The following SPEF2 variants were observed in gnomAD, a reference collection of about 807,000 sequenced individuals.
SPEF2 encodes sperm flagella and cilia-associated protein 2.
Under a neutral mutation model 224.6 loss-of-function variants are expected in SPEF2, and 187 were observed. The observed-to-expected ratio is 0.83, with a 90% confidence interval of 0.74 to 0.94. The LOEUF (loss-of-function observed/expected upper bound fraction) is 0.94, where lower values mean the gene tolerates loss of function less well. SPEF2 is among the 40% of genes least tolerant of loss of function. SPEF2 has a pLI of 0.00. For synonymous variants in SPEF2, 715 were observed against 707.3 expected, an observed-to-expected ratio of 1.01 and a Z score of -0.17; for missense variants, 2,170 against 2,135.6, an observed-to-expected ratio of 1.02 and a Z score of -0.32.
rs149469127 is a variant in SPEF2, at chr5:35,778,236, G to A, written c.4218-881G>A. 1.9e-4 allele frequency among the ~76,000 whole-genome samples: 29 copies of A among 152,184 alleles called. No individual in the cohort carries two copies. In the East Asian group the frequency reaches 5.4e-3, roughly 28 times the overall value. ...AACAAGATCCTTTCTTCAATACAGCGATAATGCACTTATTCATGTATAAAA... is the reference window on the plus strand; with the variant it reads ...AACAAGATCCTTTCTTCAATACAGCAATAATGCACTTATTCATGTATAAAA... On this transcript the variant is annotated intron_variant, in intron 29 of 36. Coordinates refer to ENST00000356031, the MANE Select transcript of SPEF2 (RefSeq NM_024867.4).
At chr5:35,758,709 C>A (rs1750789842) in intron 24 of SPEF2, among the ~76,000 whole-genome samples, 1 of 152,100 alleles carries the variant, frequency 6.6e-6, no homozygotes, top group Non-Finnish European at 1.5e-5. Flanking sequence ...GAGAACTATT[C>A]TTTAAACTCT....
At chr5:35,674,888 A>G (rs534075723) in intron 10 of SPEF2, among the ~76,000 whole-genome samples, 84 of 152,248 alleles carry the variant, frequency 5.5e-4, no homozygotes, top group African/African-American at 1.8e-3. Context: ...AAGTATAGGA[A>G]CTTTTAATTT....
chr5:35,623,403 G>A (rs1304285387), intron 1 of SPEF2, among the ~76,000 whole-genome samples: 1 of 152,176 alleles, frequency 6.6e-6, no homozygotes, highest in Admixed American at 6.5e-5. Context: ...TCCTACTCGA[G>A]TAAAGGAGAA....
chr5:35,724,314 A>T lies in SPEF2; in HGVS notation c.2915-3361A>T, dbSNP rs999636759. ...AATGTTACAATTGTTTAAATAAATT[A>T]AATAAATAATATTTCTGCTCTTAAG... On this transcript the variant is annotated intron_variant, in intron 20 of 36. Transcript: ENST00000356031. 4.6e-5 allele frequency among the ~76,000 whole-genome samples: 7 copies of T among 152,304 alleles called. 1 individual carries two copies. Among genetic ancestry groups the T allele is most frequent in the East Asian group, 1.9e-4 (1 of 5,188 alleles).
Position 35,700,562 on chromosome 5 carries a change from T to C in SPEF2, c.2208T>C (p.Leu736=). The C allele has an allele frequency of 6.2e-7, 1 of 1,613,844 alleles. No individual in the cohort carries two copies. Among genetic ancestry groups the C allele is most frequent in the South Asian group, 1.1e-5 (1 of 91,074 alleles). ...CAATGACTTTAAACCAAGCACAGCT[T>C]CTGGAAGAAGCTCTTACAGGCTGCA... ...GFPMTLNQAQ[L]LEEALTGCNR... is the part of the protein sequence containing the mutation. Residue 736 remains leucine, a synonymous_variant, in exon 16 of 37, where the codon CTT becomes CTC. Coordinates refer to ENST00000356031, the MANE Select transcript of SPEF2 (RefSeq NM_024867.4).
intron 9 of SPEF2, among the ~76,000 whole-genome samples, chr5:35,668,322 T>G (rs1300662478): frequency 2.0e-5 from 3 of 152,144 alleles, no homozygotes; most frequent in Admixed American, 6.6e-5. Flanking sequence ...CTGAGAAATA[T>G]AAAATAATAA....
intron 1 of SPEF2, among the ~76,000 whole-genome samples, chr5:35,619,019 C>T (rs1454798484): frequency 1.3e-5 from 2 of 152,136 alleles, no homozygotes; most frequent in Non-Finnish European, 2.9e-5. Flanking sequence ...GTTGCTAGAT[C>T]GGTAGTGTTT....
At position 35,670,174 on chromosome 5, in the gene SPEF2, A is replaced by G; in HGVS notation, c.1471A>G (p.Thr491Ala). The change falls in exon 10 of 37, where the codon ACA becomes GCA. Residue 491 changes from threonine (T) to alanine (A), a missense_variant. Coordinates refer to ENST00000356031, the MANE Select transcript of SPEF2 (RefSeq NM_024867.4). Reference sequence around the variant, plus strand: ...TGCTAACCCCTCAAGAGAACAACTTACAGAACTGGAGAAAAGGGACTTGCT... The same window carrying G: ...TGCTAACCCCTCAAGAGAACAACTTGCAGAACTGGAGAAAAGGGACTTGCT... ...LPANPSREQL[T>A]ELEKRDLLDT... is the part of the protein sequence containing the mutation. 1 of 1,612,310 alleles carries G rather than the reference A, an allele frequency of 6.2e-7. No homozygotes were observed. Among genetic ancestry groups the G allele is most frequent in the Non-Finnish European group, 8.5e-7 (1 of 1,178,848 alleles).
At chr5:35,784,429 A>G (rs1271171563) in intron 30 of SPEF2, among the ~76,000 whole-genome samples, 1 of 151,362 alleles carries the variant, frequency 6.6e-6, no homozygotes, top group African/African-American at 2.4e-5. Context: ...CGCCCGGGCG[A>G]GATGGATGGA....
chr5:35,781,569 T>C (rs1360443208), intron 30 of SPEF2: 1 of 152,176 alleles, frequency 6.6e-6, no homozygotes, highest in African/African-American at 2.4e-5. Context: ...AGGCTTTCTC[T>C]GTGTGAGGAA....
chr5:35,798,784 G>A (rs1757025279), intron 33 of SPEF2, among the ~76,000 whole-genome samples: 1 of 151,388 alleles, frequency 6.6e-6, no homozygotes, highest in Non-Finnish European at 1.5e-5. Flanking sequence ...ATTAGAGATG[G>A]GGTTTTGCTA....
At position 35,623,425 on chromosome 5, in the gene SPEF2, T is replaced by C. The variant is rs1231716569; in HGVS notation, c.59-5035T>C. 2.6e-5 allele frequency among the ~76,000 whole-genome samples: 4 copies of C among 152,340 alleles called. No individual in the cohort carries two copies. In the East Asian group the frequency reaches 7.7e-4, roughly 29 times the overall value. On this transcript the variant is annotated intron_variant, in intron 1 of 36. Coordinates refer to ENST00000356031, the MANE Select transcript of SPEF2 (RefSeq NM_024867.4). The stretch of plus-strand genomic sequence containing the variant: ...CGAGTAAAGGAGAAGTAAATGCCAC[T>C]GAGCATAAAATGGTATGGGTCTGCA...
At chr5:35,637,119 G>A (rs902617498) in intron 2 of SPEF2, among the ~76,000 whole-genome samples, 2 of 152,050 alleles carry the variant, frequency 1.3e-5, no homozygotes, top group East Asian at 3.9e-4. Context: ...TAAGTCTGCT[G>A]CCGGTTTTCA....
At chr5:35,788,380 G>A (rs1045825393) in intron 30 of SPEF2, 2 of 702,792 alleles carry the variant, frequency 2.8e-6, no homozygotes, top group African/African-American at 1.7e-5. Context: ...CAGCAAGAAT[G>A]TTTACATACT....
At chr5:35,808,118 A>G in intron 36 of SPEF2, 1 of 993,290 alleles carries the variant, frequency 1.0e-6, no homozygotes, top group Non-Finnish European at 1.2e-6. Context: ...CACAAATGAA[A>G]CTATTCAGAC....
intron 30 of SPEF2, among the ~76,000 whole-genome samples, chr5:35,780,938 C>G (rs935951332): frequency 6.6e-5 from 10 of 152,078 alleles, no homozygotes; most frequent in African/African-American, 2.2e-4. Context: ...TTGGATCCAA[C>G]CTCAAATCCA....
chr5:35,653,888 A>C, intron 6 of SPEF2, among the ~76,000 whole-genome samples: 1 of 148,304 alleles, frequency 6.7e-6, no homozygotes, highest in Admixed American at 6.8e-5. Context: ...CGGAGGTTGC[A>C]GTAAGCCGAG....
chr5:35,703,509 TG>T (rs1457290170), intron 16 of SPEF2, among the ~76,000 whole-genome samples: 1 of 151,890 alleles, frequency 6.6e-6, no homozygotes, highest in Non-Finnish European at 1.5e-5. Context: ...ATTGCAAAGA[TG>T]GAGCCATTCA....
At chr5:35,703,021 G>A (rs1277101108) in intron 16 of SPEF2, among the ~76,000 whole-genome samples, 1 of 151,644 alleles carries the variant, frequency 6.6e-6, no homozygotes, top group African/African-American at 2.4e-5. Flanking sequence ...GAGATAGAGA[G>A]TGAGTGGAGA....
Sources: gnomAD v4.1 joint callset for allele counts (sites outside exome capture counted in the v4.1 genomes callset) on GRCh38, gnomAD v4.1.1 for gene constraint, MANE v1.5 for transcripts, NCBI Gene and HGNC (gene_info 2026-07-23, HGNC 2026-07-21) for gene names.